RFX3: variants seen among roughly 807,000 people sequenced by gnomAD.
RFX3 encodes transcription factor RFX3.
In RFX3, 14 loss-of-function variants were observed where a neutral mutation model predicts 98.6. The observed-to-expected ratio is 0.14, with a 90% CI of 0.09 to 0.22. The LOEUF is 0.22. RFX3 is among the 10% of genes least tolerant of loss of function. RFX3 has a pLI of 1.00. For missense variants in RFX3, 639 were observed against 926.9 expected, an observed-to-expected ratio of 0.69 and a Z score of 4.03; for synonymous variants, 383 against 328.4, an observed-to-expected ratio of 1.17 and a Z score of -1.80.
intron 15 of RFX3, among the ~76,000 whole-genome samples, chr9:3,241,757 T>G (rs1819953439): frequency 6.6e-6 from 1 of 152,180 alleles, no homozygotes; most frequent in African/African-American, 2.4e-5. Flanking sequence ...ACAGGAGCTG[T>G]AGGGTGTAAT....
At chr9:3,486,707 A>T (rs997876780) in intron 1 of RFX3, among the ~76,000 whole-genome samples, 1 of 152,180 alleles carries the variant, frequency 6.6e-6, no homozygotes, top group African/African-American at 2.4e-5. Flanking sequence ...AAAAGTACAA[A>T]ATTGCTAATA....
intron 2 of RFX3, among the ~76,000 whole-genome samples, chr9:3,390,724 A>G (rs184639293): frequency 2.6e-5 from 4 of 152,164 alleles, no homozygotes; most frequent in African/African-American, 4.8e-5. Context: ...CTCTCTCTTT[A>G]CCTGCTGCCA....
chr9:3,263,350 C>A (rs1320344546), intron 12 of RFX3, among the ~76,000 whole-genome samples: 1 of 152,162 alleles, frequency 6.6e-6, no homozygotes, highest in Non-Finnish European at 1.5e-5. Context: ...TTAAACTAGT[C>A]TTGCAAGTGA....
intron 1 of RFX3, among the ~76,000 whole-genome samples, chr9:3,491,298 A>G (rs1316464522): frequency 5.9e-5 from 9 of 152,176 alleles, no homozygotes; most frequent in Admixed American, 5.9e-4. Context: ...AGATACATCA[A>G]AAATGTAATA....
chr9:3,525,130 C>T (rs1459743369), intron 1 of RFX3, among the ~76,000 whole-genome samples: 2 of 151,726 alleles, frequency 1.3e-5, no homozygotes, highest in Non-Finnish European at 2.9e-5. Flanking sequence ...CATTCAGCAC[C>T]AGGCAAAGAG....
chr9:3,413,881 C>A (rs1485599045), intron 1 of RFX3, among the ~76,000 whole-genome samples: 1 of 152,002 alleles, frequency 6.6e-6, no homozygotes, highest in Non-Finnish European at 1.5e-5. Flanking sequence ...TTATACTCTC[C>A]ACCTAGATAA....
At position 3,223,497 on chromosome 9, in the gene RFX3, C is replaced by T. The variant is rs79515700; in HGVS notation, c.*1545G>A. 1 of 152,156 alleles carries T rather than the reference C, an allele frequency of 6.6e-6. No individual in the cohort carries two copies. The highest frequency in any genetic ancestry group is 1.5e-5 in the Non-Finnish European group (1 of 68,034). 9.4% of individuals were successfully genotyped at this position (152,156 alleles called of 1,614,324 possible). ...AAAATTGTAACTAAATAAGAATGGT[C>T]TAAAACATATATGATTTTATGTTAA... On this transcript the variant is annotated 3_prime_UTR_variant, in exon 17 of 17. Transcript: ENST00000617270.
At chr9:3,304,732 T>C (rs892152523) in intron 4 of RFX3, among the ~76,000 whole-genome samples, 1 of 152,062 alleles carries the variant, frequency 6.6e-6, no homozygotes, top group Non-Finnish European at 1.5e-5. Context: ...TCTGCCATGA[T>C]TGTGAGGTCT....
intron 1 of RFX3, among the ~76,000 whole-genome samples, chr9:3,412,797 T>G (rs990803802): frequency 6.6e-6 from 1 of 152,150 alleles, no homozygotes; most frequent in Non-Finnish European, 1.5e-5. Context: ...ATTTCTTACT[T>G]TTAAAAATTA....
At position 3,395,567 on chromosome 9, in the gene RFX3, A is replaced by T. The variant is rs1840773264; in HGVS notation, c.22T>A (p.Ser8Thr). The change falls in exon 2 of 17, where the codon TCG (serine) becomes ACG (threonine). Residue 8 changes from serine (S) to threonine (T), a missense_variant. Physicochemically the swap from Ser to Thr is moderately conservative, Grantham distance 58 (BLOSUM62 1). Transcript: ENST00000617270. MQTSETGSDTGSTVTLQT... is the reference protein window; with the variant it reads MQTSETGTDTGSTVTLQT... The stretch of plus-strand genomic sequence containing the variant: ...AAGGTCACTGTCGAGCCTGTGTCCG[A>T]CCCAGTCTCTGATGTCTGCATGATG... The T allele has an allele frequency of 6.2e-7, 1 of 1,613,982 alleles. No individual in the cohort carries two copies. Among genetic ancestry groups the T allele is most frequent in the Admixed American group, 1.7e-5 (1 of 60,004 alleles).
At chr9:3,408,437 T>C (rs914352326) in intron 1 of RFX3, among the ~76,000 whole-genome samples, 2 of 152,148 alleles carry the variant, frequency 1.3e-5, no homozygotes, top group Admixed American at 1.3e-4. Flanking sequence ...TTCATTTTGT[T>C]GTTTCAGTCA....
chr9:3,489,545 C>T (rs1850569622), intron 1 of RFX3: 6 of 299,152 alleles, frequency 2.0e-5, no homozygotes, highest in South Asian at 1.3e-4. Flanking sequence ...TACTTAATAT[C>T]TACTGATAAG....
At chr9:3,417,199 T>C (rs1323926748) in intron 1 of RFX3, among the ~76,000 whole-genome samples, 1 of 151,922 alleles carries the variant, frequency 6.6e-6, no homozygotes, top group East Asian at 1.9e-4. Context: ...CCAATATACA[T>C]AAAACGAAAC....
At chr9:3,504,963 A>ATAATATATATTATATAATATATATG (rs1816756692) in intron 1 of RFX3, among the ~76,000 whole-genome samples, 1 of 80,582 alleles carries the variant, frequency 1.2e-5, no homozygotes, top group Non-Finnish European at 2.1e-5. Context: ...TATATTATAT[A>ATAATATATATTATATAATATATATG]TAATATATAT....
At chr9:3,439,739 C>G (rs1338779301) in intron 1 of RFX3, among the ~76,000 whole-genome samples, 1 of 151,912 alleles carries the variant, frequency 6.6e-6, no homozygotes, top group Non-Finnish European at 1.5e-5. Context: ...AACATGTTTC[C>G]CATACACTGC....
rs2032827784 is a variant in RFX3, at chr9:3,494,823, G to A, written c.-9+30924C>T. On this transcript the variant is annotated intron_variant, in intron 1 of 16. Coordinates refer to ENST00000617270, the MANE Select transcript of RFX3 (RefSeq NM_001282116.2). ...CTGCACTCAATCTGCTGTTTTGTCTGAAGTTATGAAGAAAATGCAGCCTCA... is the reference window on the plus strand; with the variant it reads ...CTGCACTCAATCTGCTGTTTTGTCTAAAGTTATGAAGAAAATGCAGCCTCA... 5.9e-5 allele frequency among the ~76,000 whole-genome samples: 9 copies of A among 152,142 alleles called. No homozygotes were observed. The South Asian group carries it at 1.9e-3, about 32-fold the overall frequency.
chr9:3,484,395 G>A (rs1564161447), intron 1 of RFX3, among the ~76,000 whole-genome samples: 1 of 152,190 alleles, frequency 6.6e-6, no homozygotes, highest in Non-Finnish European at 1.5e-5. Context: ...GTAGCTAAAG[G>A]AGTCAGTAGA....
chr9:3,463,930 G>C (rs1438028451), intron 1 of RFX3, among the ~76,000 whole-genome samples: 1 of 152,126 alleles, frequency 6.6e-6, no homozygotes, highest in African/African-American at 2.4e-5. Flanking sequence ...CTGTGATCAT[G>C]CCACTGCACT....
intron 1 of RFX3, among the ~76,000 whole-genome samples, chr9:3,443,242 GGTTT>G (rs1368298770): frequency 2.6e-5 from 4 of 152,236 alleles, no homozygotes; most frequent in Non-Finnish European, 4.4e-5. Flanking sequence ...AGGATGTGCA[GGTTT>G]GTTACATAGG....
Sources: gnomAD v4.1 joint callset for allele counts (sites outside exome capture counted in the v4.1 genomes callset) on GRCh38, gnomAD v4.1.1 for gene constraint, MANE v1.5 for transcripts, NCBI Gene and HGNC (gene_info 2026-07-23, HGNC 2026-07-21) for gene names.